S100Z: variants seen among roughly 807,000 people sequenced by gnomAD.
S100Z encodes the protein protein S100-Z.
A neutral mutation model predicts 8.5 loss-of-function variants in S100Z; 11 were observed. That is an observed-to-expected ratio of 1.30 (90% CI 0.82 to 2.15). S100Z has a LOEUF of 2.15. S100Z is among the 30% of genes most tolerant of loss of function. The probability of loss-of-function intolerance (pLI) is 0.00; values close to 1 mark genes in which losing one functional copy is unlikely to be tolerated. For missense variants in S100Z, 126 were observed against 117.9 expected (o/e 1.07, Z -0.32); for synonymous variants, 34 against 43.8 (o/e 0.78, Z 0.89).
chr5:76,865,052 T>TAA (rs35529772), intron 1 of S100Z, among the ~76,000 whole-genome samples: 2 of 151,516 alleles, frequency 1.3e-5, no homozygotes, highest in Non-Finnish European at 2.9e-5. Context: ...CCTCAATTCA[T>TAA]AAAAAAAGCT....
chr5:76,939,184 G>A, the S100Z span, among the ~76,000 whole-genome samples: 25 of 149,506 alleles, frequency 1.7e-4, no homozygotes, highest in African/African-American at 5.4e-4. Flanking sequence ...ACAGAATCTC[G>A]CTCTGTCACC....
downstream of S100Z, among the ~76,000 whole-genome samples, chr5:76,922,441 G>A (rs1745064348): frequency 6.6e-6 from 1 of 152,126 alleles, no homozygotes; most frequent in Non-Finnish European, 1.5e-5. Context: ...GTGCAGTTCT[G>A]CCCATCACCT....
intron 4 of S100Z, among the ~76,000 whole-genome samples, chr5:76,909,110 T>C (rs1744559408): frequency 6.6e-6 from 1 of 152,120 alleles, no homozygotes; most frequent in South Asian, 2.1e-4. Context: ...AGAGGTGTTT[T>C]CGGCTACTGC....
intron 4 of S100Z, among the ~76,000 whole-genome samples, chr5:76,897,528 G>A (rs1428057340): frequency 6.6e-6 from 1 of 151,910 alleles, no homozygotes; most frequent in Non-Finnish European, 1.5e-5. Flanking sequence ...GAATGTCATT[G>A]TTATCTTGAT....
chr5:76,878,698 C>T (rs1743287530), intron 4 of S100Z, among the ~76,000 whole-genome samples: 1 of 152,162 alleles, frequency 6.6e-6, no homozygotes, highest in Non-Finnish European at 1.5e-5. Flanking sequence ...ACCCTAACTA[C>T]TGTGTAAAGA....
chr5:76,856,188 C>A (rs1750876849), intron 1 of S100Z, among the ~76,000 whole-genome samples: 2 of 152,102 alleles, frequency 1.3e-5, no homozygotes, highest in African/African-American at 2.4e-5. Context: ...AGCCAATTAA[C>A]CTTCTTTACT....
chr5:76,886,654 T>C (rs1743648270), intron 4 of S100Z, among the ~76,000 whole-genome samples: 2 of 152,184 alleles, frequency 1.3e-5, no homozygotes, highest in Non-Finnish European at 2.9e-5. Flanking sequence ...CTGTTTATAT[T>C]ACCTGGGTGC....
At chr5:76,886,147 G>A (rs949839225) in intron 4 of S100Z, among the ~76,000 whole-genome samples, 4 of 152,180 alleles carry the variant, frequency 2.6e-5, no homozygotes, top group Non-Finnish European at 4.4e-5. Context: ...GCCGCTAAGG[G>A]TGAAGGACCA....
the S100Z span, among the ~76,000 whole-genome samples, chr5:76,927,358 G>C: frequency 6.6e-6 from 1 of 152,178 alleles, no homozygotes; most frequent in Non-Finnish European, 1.5e-5. Flanking sequence ...GGTTCCAGGT[G>C]TCAGTGGAAG....
chr5:76,920,001 C>A (rs35305638), intron 4 of S100Z, among the ~76,000 whole-genome samples: 3 of 150,638 alleles, frequency 2.0e-5, no homozygotes, highest in Admixed American at 2.0e-4. Flanking sequence ...CTCCGCCTCC[C>A]GAGTTCAAGC....
At chr5:76,908,332 G>A (rs762891955) in intron 4 of S100Z, among the ~76,000 whole-genome samples, 18 of 152,204 alleles carry the variant, frequency 1.2e-4, no homozygotes, top group Admixed American at 6.5e-5. Flanking sequence ...TCAAAGTCAT[G>A]TCGCCCAAGC....
At chr5:76,865,434 A>T (rs2150629261) in intron 1 of S100Z, among the ~76,000 whole-genome samples, 1 of 151,038 alleles carries the variant, frequency 6.6e-6, no homozygotes, top group South Asian at 2.1e-4. Flanking sequence ...TTTAGTAGAG[A>T]CAGGATTTCA....
intron 2 of S100Z, among the ~76,000 whole-genome samples, chr5:76,873,209 A>G (rs929642525): frequency 3.3e-5 from 5 of 151,886 alleles, no homozygotes; most frequent in Admixed American, 3.3e-4. Flanking sequence ...ACAAAGGGTA[A>G]TTACTAGGGT....
the S100Z span, among the ~76,000 whole-genome samples, chr5:76,935,873 T>G: frequency 6.6e-6 from 1 of 151,404 alleles, no homozygotes; most frequent in African/African-American, 2.4e-5. Flanking sequence ...ACGTCCTGGG[T>G]TCAAGCAATT....
chr5:76,930,298 C>A, the S100Z span, among the ~76,000 whole-genome samples: 1 of 152,182 alleles, frequency 6.6e-6, no homozygotes, highest in South Asian at 2.1e-4. Flanking sequence ...GAGCAAGCTC[C>A]CTGCTTATGC....
the S100Z span, among the ~76,000 whole-genome samples, chr5:76,940,187 A>T: frequency 6.6e-6 from 1 of 152,044 alleles, no homozygotes; most frequent in South Asian, 2.1e-4. Context: ...AATTTACCTA[A>T]AACCAAAGGA....
intron 1 of S100Z, among the ~76,000 whole-genome samples, chr5:76,853,269 G>T: frequency 6.6e-6 from 1 of 152,332 alleles, no homozygotes; most frequent in South Asian, 2.1e-4. Flanking sequence ...AATTGCAGCA[G>T]TCATCTTGTG....
At chr5:76,948,358 G>C in the S100Z span, among the ~76,000 whole-genome samples, 1 of 85,122 alleles carries the variant, frequency 1.2e-5, no homozygotes, top group East Asian at 4.0e-4. Flanking sequence ...AATGCCTTCT[G>C]CACAGCAAAG....
At chr5:76,939,713 A>G in the S100Z span, among the ~76,000 whole-genome samples, 7 of 147,910 alleles carry the variant, frequency 4.7e-5, no homozygotes, top group Non-Finnish European at 7.5e-5. Flanking sequence ...AGGTTACACA[A>G]TGTTGGCTAG....
Sources: gnomAD v4.1 joint callset for allele counts (sites outside exome capture counted in the v4.1 genomes callset) on GRCh38, gnomAD v4.1.1 for gene constraint, MANE v1.5 for transcripts, NCBI Gene and HGNC (gene_info 2026-07-23, HGNC 2026-07-21) for gene names.